PTPRT: variants seen among roughly 807,000 people sequenced by gnomAD.
PTPRT encodes receptor-type tyrosine-protein phosphatase T.
PTPRT carries 56 observed loss-of-function variants against 176.8 expected under a neutral mutation model. That is an observed-to-expected ratio of 0.32 (90% CI 0.26 to 0.40). The LOEUF (loss-of-function observed/expected upper bound fraction) is 0.40, where lower values mean the gene tolerates loss of function less well. Among genes scored for constraint, PTPRT ranks in the 10% least tolerant of loss-of-function variants. The probability of loss-of-function intolerance (pLI) is 1.00; values close to 1 mark genes in which losing one functional copy is unlikely to be tolerated. For synonymous variants in PTPRT, 783 were observed against 739.0 expected (o/e 1.06, Z -0.96); for missense variants, 1,540 against 1,908.2 (o/e 0.81, Z 3.60).
chr20:42,348,462 T>G (rs942089313), intron 11 of PTPRT, among the ~76,000 whole-genome samples: 1 of 152,066 alleles, frequency 6.6e-6, no homozygotes, highest in Non-Finnish European at 1.5e-5. Flanking sequence ...GGAGGTGGTA[T>G]AGTATAGTAA....
At chr20:42,806,639 G>T (rs1409450458) in intron 2 of PTPRT, among the ~76,000 whole-genome samples, 2 of 152,102 alleles carry the variant, frequency 1.3e-5, no homozygotes, top group African/African-American at 4.8e-5. Context: ...AAAAGTTTTT[G>T]TTAACAACTA....
At chr20:42,610,374 G>GT (rs2073953633) in intron 7 of PTPRT, among the ~76,000 whole-genome samples, 1 of 132,602 alleles carries the variant, frequency 7.5e-6, no homozygotes, top group South Asian at 2.3e-4. Flanking sequence ...GGGTTTACTT[G>GT]TTTTGTTTTT....
chr20:42,673,657 G>A (rs531300228), intron 7 of PTPRT, among the ~76,000 whole-genome samples: 162 of 152,272 alleles, frequency 1.1e-3, no homozygotes, highest in Non-Finnish European at 1.6e-3. Flanking sequence ...GGCCTCTTTT[G>A]TAAGGGCATT....
At chr20:42,187,053 T>C (rs1317391888) in intron 16 of PTPRT, among the ~76,000 whole-genome samples, 1 of 152,036 alleles carries the variant, frequency 6.6e-6, no homozygotes, top group Non-Finnish European at 1.5e-5. Flanking sequence ...ATTGGTAAGG[T>C]GAAAAGTAAA....
intron 1 of PTPRT, among the ~76,000 whole-genome samples, chr20:43,161,546 CAG>C (rs1326250904): frequency 6.6e-6 from 1 of 152,146 alleles, no homozygotes; most frequent in Non-Finnish European, 1.5e-5. Context: ...AACTTTGACT[CAG>C]AGTTTCATGG....
At chr20:42,541,548 C>A (rs1446740046) in intron 7 of PTPRT, among the ~76,000 whole-genome samples, 1 of 1,496 alleles carries the variant, frequency 6.7e-4, no homozygotes, top group Non-Finnish European at 1.5e-3. Context: ...AATACTAATA[C>A]TAGTAAATAA....
intron 1 of PTPRT, among the ~76,000 whole-genome samples, chr20:43,000,289 A>G (rs1600637340): frequency 6.6e-6 from 1 of 152,162 alleles, no homozygotes; most frequent in Admixed American, 6.5e-5. Context: ...AGAAAAATCA[A>G]CTAGACTATT....
chr20:42,605,222 T>C (rs981850959), intron 7 of PTPRT, among the ~76,000 whole-genome samples: 16 of 152,182 alleles, frequency 1.1e-4, no homozygotes, highest in Admixed American at 9.8e-4. Context: ...GCTGGACCCA[T>C]GGCTGAATCC....
chr20:42,685,463 T>C (rs1276209092), intron 6 of PTPRT: 1 of 152,172 alleles, frequency 6.6e-6, no homozygotes, highest in Non-Finnish European at 1.5e-5. Flanking sequence ...AGTGAACACA[T>C]AGCCCAATCT....
At chr20:42,944,006 G>A (rs1056409105) in intron 1 of PTPRT, among the ~76,000 whole-genome samples, 7 of 152,036 alleles carry the variant, frequency 4.6e-5, no homozygotes, top group Non-Finnish European at 5.9e-5. Flanking sequence ...GTGACAGAGC[G>A]AGACACTGTA....
chr20:42,408,605 G>GTT (rs200172599), intron 9 of PTPRT, among the ~76,000 whole-genome samples: 24,794 of 122,660 alleles, frequency 0.2, 2,301 homozygotes, highest in African/African-American at 0.26. Context: ...TCTATCCTGT[G>GTT]TTTTTTTTTT....
At chr20:42,202,374 G>C (rs1991489223) in intron 15 of PTPRT, among the ~76,000 whole-genome samples, 2 of 152,168 alleles carry the variant, frequency 1.3e-5, no homozygotes, top group Admixed American at 1.3e-4. Context: ...CTCGGGGAAA[G>C]AAAGGCACTC....
chr20:42,615,875 C>G (rs1379443850), intron 7 of PTPRT, among the ~76,000 whole-genome samples: 1 of 114,746 alleles, frequency 8.7e-6, no homozygotes, highest in Non-Finnish European at 1.7e-5. Flanking sequence ...AATTTTCTCC[C>G]ATTTTGTAGG....
chr20:42,051,843 C>T, the PTPRT span, among the ~76,000 whole-genome samples: 1 of 152,176 alleles, frequency 6.6e-6, no homozygotes, highest in African/African-American at 2.4e-5. Context: ...TCTGAGTGAC[C>T]TTGTGTCTTC....
chr20:43,180,456 A>G (rs2015228351), intron 1 of PTPRT, among the ~76,000 whole-genome samples: 1 of 116,946 alleles, frequency 8.6e-6, no homozygotes. Flanking sequence ...GGATATATAT[A>G]TATATACACC....
chr20:42,616,213 G>C (rs1403009995), intron 7 of PTPRT, among the ~76,000 whole-genome samples: 4 of 124,128 alleles, frequency 3.2e-5, no homozygotes, highest in Admixed American at 7.4e-5. Context: ...CCCATTGCTT[G>C]TTTTTCTCAG....
chr20:42,614,295 T>G (rs577497897), intron 7 of PTPRT, among the ~76,000 whole-genome samples: 1 of 152,302 alleles, frequency 6.6e-6, no homozygotes, highest in East Asian at 1.9e-4. Flanking sequence ...CACACACACC[T>G]AATGACCTTA....
At chr20:42,100,219 C>A (rs931908687) in intron 26 of PTPRT, among the ~76,000 whole-genome samples, 8 of 152,204 alleles carry the variant, frequency 5.3e-5, no homozygotes, top group Non-Finnish European at 1.2e-4. Context: ...TCTATTAGGC[C>A]AGCACGCCTG....
At chr20:42,179,061 G>A (rs1990410242) in intron 16 of PTPRT, among the ~76,000 whole-genome samples, 1 of 152,170 alleles carries the variant, frequency 6.6e-6, no homozygotes, top group African/African-American at 2.4e-5. Flanking sequence ...ATATAAGAAT[G>A]TGGCATAGGA....
Sources: allele counts gnomAD v4.1 joint callset (sites outside exome capture counted in the v4.1 genomes callset), GRCh38; gene constraint gnomAD v4.1.1; transcripts MANE v1.5; gene names NCBI Gene and HGNC (gene_info 2026-07-23, HGNC 2026-07-21).